The following DNAH11 variants were observed in gnomAD, a reference collection of about 807,000 sequenced individuals.
The protein encoded by DNAH11 is axonemal beta dynein heavy chain 11.
Under a neutral mutation model 526.0 loss-of-function variants are expected in DNAH11, and 442 were observed. The ratio of observed to expected loss-of-function variants is 0.84; its 90% CI spans 0.78 to 0.91. The LOEUF is 0.91. Ranked by LOEUF, DNAH11 falls within the 40% of genes least tolerant of loss-of-function variation. The pLI is 0.00. For synonymous variants in DNAH11, 2,461 were observed against 1,935.9 expected (o/e 1.27, Z -7.12); for missense variants, 6,989 against 5,448.7 (o/e 1.28, Z -8.90).
chr7:21,726,860 CAAA>C (rs1166791175), intron 45 of DNAH11, among the ~76,000 whole-genome samples: 1 of 13,812 alleles, frequency 7.2e-5, no homozygotes, highest in Admixed American at 1.7e-3. Flanking sequence ...GACTCTGTCT[CAAA>C]AAAAAAAAAA....
intron 30 of DNAH11, among the ~76,000 whole-genome samples, chr7:21,677,404 C>T (rs928624650): frequency 6.6e-6 from 1 of 151,874 alleles, no homozygotes; most frequent in African/African-American, 2.4e-5. Context: ...TTTTTTGAGA[C>T]AGAATCTCAC....
chr7:21,811,455 C>T (rs548306977), intron 63 of DNAH11, among the ~76,000 whole-genome samples: 1 of 144,132 alleles, frequency 6.9e-6, no homozygotes, highest in African/African-American at 2.5e-5. Flanking sequence ...GATGCCATCT[C>T]AAAAAAAAAA....
chr7:21,639,127 C>T lies in DNAH11; in HGVS notation c.4944+62C>T, dbSNP rs1004996855. On this transcript the variant is annotated intron_variant, in intron 28 of 81. Transcript: ENST00000409508. ...TTAGCTGAGGAATGTCATAGCGTCTCTATCATTGTCAAATGCTACCTGTCA... is the reference window on the plus strand; with the variant it reads ...TTAGCTGAGGAATGTCATAGCGTCTTTATCATTGTCAAATGCTACCTGTCA... 8 of 1,497,848 alleles carry T rather than the reference C, an allele frequency of 5.3e-6. No homozygotes were observed. The Admixed American group carries it at 7.2e-5, about 13-fold the overall frequency. The allele number at this position is 1,497,848 out of a possible 1,614,324, so 92.8% of individuals were successfully genotyped here.
intron 28 of DNAH11, among the ~76,000 whole-genome samples, chr7:21,651,018 A>G (rs1268071494): frequency 1.3e-5 from 2 of 151,970 alleles, no homozygotes; most frequent in African/African-American, 2.4e-5. Context: ...GTTTTTACAC[A>G]TGTAAAAATC....
chr7:21,591,038 TAAA>T lies in DNAH11; in HGVS notation c.2274+22_2274+24del. 6.8e-7 allele frequency: 1 copy of T among 1,460,828 alleles called. No individual in the cohort carries two copies. The highest frequency in any genetic ancestry group is 9.0e-7 in the Non-Finnish European group (1 of 1,107,256). The allele number at this position is 1,460,828 out of a possible 1,614,324, so 90.5% of individuals were successfully genotyped here. ...TATTTTAAAGGTTTGTGATTTTTGTTAAAAAAAAGATACTAGGGCCTATTATGA... is the reference window on the plus strand; with the variant it reads ...TATTTTAAAGGTTTGTGATTTTTGTTAAAAAGATACTAGGGCCTATTATGA... On this transcript the variant is annotated intron_variant, in intron 13 of 81. Transcript: ENST00000409508.
intron 79 of DNAH11, among the ~76,000 whole-genome samples, chr7:21,897,514 T>C (rs554666774): frequency 6.6e-6 from 1 of 152,368 alleles, no homozygotes; most frequent in East Asian, 1.9e-4. Context: ...ATATTATTCT[T>C]TATATTTTAG....
At chr7:21,568,212 T>C (rs1284881639) in intron 6 of DNAH11, among the ~76,000 whole-genome samples, 1 of 152,210 alleles carries the variant, frequency 6.6e-6, no homozygotes, top group East Asian at 1.9e-4. Flanking sequence ...TGTTTTAGTT[T>C]ATAAGACCTC....
intron 74 of DNAH11, among the ~76,000 whole-genome samples, chr7:21,873,774 G>C (rs966624735): frequency 7.2e-6 from 1 of 139,842 alleles, no homozygotes; most frequent in South Asian, 2.3e-4. Flanking sequence ...GTAACTTCTT[G>C]AGGAGGTTGC....
intron 54 of DNAH11, among the ~76,000 whole-genome samples, chr7:21,752,046 C>G (rs1332490057): frequency 6.6e-6 from 1 of 152,234 alleles, no homozygotes; most frequent in East Asian, 1.9e-4. Context: ...TTCTCCAACT[C>G]CAAGCCAGAC....
intron 57 of DNAH11, among the ~76,000 whole-genome samples, chr7:21,780,394 A>G (rs1487550051): frequency 5.9e-5 from 9 of 152,170 alleles, no homozygotes; most frequent in African/African-American, 9.7e-5. Flanking sequence ...AAAGAGGGGC[A>G]AAAAAGACAA....
chr7:21,604,809 C>T (rs66555372), intron 18 of DNAH11, among the ~76,000 whole-genome samples: 28,134 of 152,094 alleles, frequency 0.18, 3,168 homozygotes, highest in East Asian at 0.55. Context: ...CCATGGCCTC[C>T]GAGGGACTCC....
At chr7:21,567,232 A>T (rs531748275) in intron 6 of DNAH11, among the ~76,000 whole-genome samples, 22 of 152,288 alleles carry the variant, frequency 1.4e-4, no homozygotes, top group African/African-American at 5.1e-4. Context: ...TAGTGGTAAC[A>T]TGTTTTTAAA....
At chr7:21,789,902 C>G (rs187403730) in intron 61 of DNAH11, among the ~76,000 whole-genome samples, 6 of 123,556 alleles carry the variant, frequency 4.9e-5, no homozygotes, top group Admixed American at 4.3e-4. Context: ...CCTTTCCCCT[C>G]CCTCCCTCCC....
At chr7:21,740,642 G>T (rs1785840277) in intron 48 of DNAH11, among the ~76,000 whole-genome samples, 1 of 152,174 alleles carries the variant, frequency 6.6e-6, no homozygotes, top group African/African-American at 2.4e-5. Context: ...CACTTGGGTT[G>T]CTTCCACACT....
intron 2 of DNAH11, among the ~76,000 whole-genome samples, chr7:21,556,479 C>T (rs1783220464): frequency 6.6e-6 from 1 of 152,114 alleles, no homozygotes; most frequent in South Asian, 2.1e-4. Context: ...AACAGTCTCC[C>T]AGTAGGTAAT....
chr7:21,671,039 A>G (rs891975945), intron 30 of DNAH11, among the ~76,000 whole-genome samples: 3 of 152,168 alleles, frequency 2.0e-5, no homozygotes, highest in Admixed American at 1.3e-4. Context: ...GGAGTTGGAA[A>G]GTGATCCATT....
intron 51 of DNAH11, 22 bp downstream of exon 51, chr7:21,745,085 C>T (rs779824553): frequency 6.3e-7 from 1 of 1,586,422 alleles, no homozygotes; most frequent in South Asian, 1.2e-5. Flanking sequence ...AGTCACGATG[C>T]TTTTCCACAA....
At chr7:21,578,360 A>G (rs1193960959) in intron 8 of DNAH11, among the ~76,000 whole-genome samples, 1 of 152,226 alleles carries the variant, frequency 6.6e-6, no homozygotes, top group African/African-American at 2.4e-5. Context: ...TTAAAGCTCC[A>G]AAATAATCTC....
rs1484690181 is a variant in DNAH11, at chr7:21,814,895, A to G, written c.10333-1572A>G. Among the ~76,000 whole-genome samples the G allele has an allele frequency of 3.3e-5, 5 of 152,296 alleles. No homozygotes were observed. In the South Asian group the frequency reaches 6.2e-4, roughly 19 times the overall value. On this transcript the variant is annotated intron_variant, in intron 63 of 81. Coordinates refer to ENST00000409508, the MANE Select transcript of DNAH11 (RefSeq NM_001277115.2). ...AATATTTTTATGAAAAAAATTCTGT[A>G]TGTAGCTATGCTGCTGGTTATTTGG...
Sources: gnomAD v4.1 joint callset for allele counts (sites outside exome capture counted in the v4.1 genomes callset) on GRCh38, gnomAD v4.1.1 for gene constraint, MANE v1.5 for transcripts, NCBI Gene and HGNC (gene_info 2026-07-23, HGNC 2026-07-21) for gene names.